The following TRIM28 variants were observed in gnomAD, a reference collection of about 807,000 sequenced individuals.
TRIM28 encodes tripartite motif containing 28.
Under a neutral mutation model 87.4 loss-of-function variants are expected in TRIM28, and 8 were observed. The ratio of observed to expected loss-of-function variants is 0.09; its 90% CI spans 0.05 to 0.17. The LOEUF is 0.17. TRIM28 is among the 10% of genes least tolerant of loss of function. TRIM28 has a pLI of 1.00. For synonymous variants in TRIM28, 601 were observed against 454.3 expected (o/e 1.32, Z -4.11); for missense variants, 968 against 1,131.8 (o/e 0.86, Z 2.08).
intron 15 of TRIM28, 32 bp downstream of exon 15, chr19:58,550,067 T>C (rs546950483): frequency 1.2e-6 from 2 of 1,613,048 alleles, no homozygotes; most frequent in South Asian, 2.2e-5. Context: ...GGGAAGGGGG[T>C]GGTGGCTGCT....
rs1354549499 is a variant in TRIM28 at position 58,544,598 on chromosome 19, C to T, written c.-160C>T. 2.3e-5 allele frequency: 4 copies of T among 173,570 alleles called. No individual in the cohort carries two copies. Among genetic ancestry groups the T allele is most frequent in the South Asian group, 1.6e-4 (1 of 6,076 alleles). The allele number at this position is 173,570 out of a possible 1,614,324, so 10.8% of individuals were successfully genotyped here. On this transcript the variant is annotated 5_prime_UTR_variant, in exon 1 of 17. Coordinates refer to ENST00000253024, the MANE Select transcript of TRIM28 (RefSeq NM_005762.3). ...GCAGTTGGCCGTGCCGTAGCAGCGTCCCGCGCGCGGCGGGCAGCGGCCCAG... is the reference window on the plus strand; with the variant it reads ...GCAGTTGGCCGTGCCGTAGCAGCGTTCCGCGCGCGGCGGGCAGCGGCCCAG...
At chr19:58,545,176 C>T in intron 1 of TRIM28, 79 bp downstream of exon 1, 6 of 1,292,108 alleles carry the variant, frequency 4.6e-6, no homozygotes, top group South Asian at 1.6e-5. Context: ...ATGAGGATGC[C>T]ACCTGGGCGA....
Position 58,547,652 on chromosome 19 carries a change from G to T in TRIM28, c.778G>T (p.Val260Leu), listed in dbSNP as rs1206895606. The T allele has an allele frequency of 6.2e-7, 1 of 1,614,160 alleles. No individual in the cohort carries two copies. Among genetic ancestry groups the T allele is most frequent in the Admixed American group, 1.7e-5 (1 of 60,028 alleles). ...RNQRKLLASL[V>L]KRLGDKHATL... ...CCAGCGCAAGCTCCTGGCCTCACTG[G>T]TGAAGCGCCTTGGGGACAAACATGC... The change falls in exon 5 of 17, where the codon GTG (valine) becomes TTG (leucine). Residue 260 changes from valine to leucine, a missense_variant. Physicochemically the swap from Val to Leu is conservative, Grantham distance 32 (BLOSUM62 1). This residue lies in a region of TRIM28 where 103 missense variants were observed against 139.0 expected (regional missense o/e 0.74). Coordinates refer to ENST00000253024, the MANE Select transcript of TRIM28 (RefSeq NM_005762.3).
intron 3 of TRIM28, among the ~76,000 whole-genome samples, chr19:58,546,681 C>T (rs1332746109): frequency 1.3e-5 from 2 of 152,098 alleles, no homozygotes; most frequent in African/African-American, 2.4e-5. Context: ...CCCAATGAGC[C>T]CTGATGCTAC....
rs1246916993 is a variant in TRIM28 at position 58,544,448 on chromosome 19, C to CT, written c.-310_-309insT. The CT allele has an allele frequency of 6.6e-6, 1 of 152,310 alleles. No individual in the cohort carries two copies. Among genetic ancestry groups the CT allele is most frequent in the Non-Finnish European group, 1.5e-5 (1 of 68,144 alleles). The allele number at this position is 152,310 out of a possible 1,614,324, so 9.4% of individuals were successfully genotyped here. On this transcript the variant is annotated 5_prime_UTR_variant, in exon 1 of 17. An upstream open reading frame in the 5' UTR loses its in-frame stop. Coordinates refer to ENST00000253024, the MANE Select transcript of TRIM28 (RefSeq NM_005762.3). ...CAGTTATTTCTGTCCCGCCCCCCGGCCTCGGCTCTTTCTGCGAGCGGGCGC... is the reference window on the plus strand; with the variant it reads ...CAGTTATTTCTGTCCCGCCCCCCGGCTCTCGGCTCTTTCTGCGAGCGGGCGC...
Position 58,550,550 on chromosome 19 carries a change from C to G in TRIM28, c.2505C>G (p.Pro835=). 2 of 1,605,804 alleles carry G rather than the reference C, an allele frequency of 1.2e-6. No homozygotes were observed. The highest frequency in any genetic ancestry group is 1.3e-5 in the African/African-American group (1 of 74,882). ...TGTCTGGTGGCCCTGGTGATGGCCC[C>G]TGAGGCTGGAGCCCCCATGGCCAGC... The part of the protein sequence containing the change: ...QELSGGPGDG[P] The change falls in exon 17 of 17, where the codon CCC becomes CCG. Residue 835 remains proline (P), a synonymous_variant. Coordinates refer to ENST00000253024, the MANE Select transcript of TRIM28 (RefSeq NM_005762.3).
chr19:58,545,579 G>A (rs750435517), intron 2 of TRIM28, 42 bp downstream of exon 2: 9 of 1,544,786 alleles, frequency 5.8e-6, no homozygotes, highest in Non-Finnish European at 8.0e-6. Flanking sequence ...TTCTGGGGAG[G>A]GGGCATCTGC....
intron 3 of TRIM28, among the ~76,000 whole-genome samples, chr19:58,546,851 C>T (rs1292217142): frequency 6.6e-6 from 1 of 152,116 alleles, no homozygotes; most frequent in African/African-American, 2.4e-5. Flanking sequence ...TCTGAGGGTC[C>T]TGGTTTGACA....
intron 3 of TRIM28, among the ~76,000 whole-genome samples, chr19:58,546,286 G>A (rs1412810755): frequency 1.3e-5 from 2 of 152,034 alleles, no homozygotes; most frequent in Non-Finnish European, 2.9e-5. Context: ...GCTAGGGAAA[G>A]TAGACTGTGG....
At position 58,547,226 on chromosome 19, in the gene TRIM28, CTG is replaced by C. The variant is rs1304142373; in HGVS notation, c.587-146_587-145del. ...GGAGCAAGGAGTTGGGCTTGCAGGC[CTG>C]TGTTCTTCCCTGGCCACACCCTCTA... On this transcript the variant is annotated intron_variant, in intron 3 of 16. Coordinates refer to ENST00000253024, the MANE Select transcript of TRIM28 (RefSeq NM_005762.3). 3.1e-6 allele frequency: 3 copies of C among 955,026 alleles called. No individual in the cohort carries two copies. In the African/African-American group the frequency reaches 4.9e-5, roughly 16 times the overall value. 59.2% of individuals were successfully genotyped at this position (955,026 alleles called of 1,614,324 possible). A position where few individuals can be genotyped will look rare whatever the true frequency, so the allele number is the denominator to read the frequency against.
At chr19:58,548,226 T>C (rs750581700) in intron 7 of TRIM28, 46 bp downstream of exon 7, 16 of 1,613,278 alleles carry the variant, frequency 9.9e-6, no homozygotes, top group Non-Finnish European at 1.4e-5. Flanking sequence ...GGCAGGTGGT[T>C]CCCAATACCT....
At position 58,547,946 on chromosome 19, in the gene TRIM28, C is replaced by T. The variant is rs1234550549; in HGVS notation, c.954+40C>T. On this transcript the variant is annotated intron_variant, in intron 6 of 16. Transcript: ENST00000253024. ...GGTGAGAAGGGTCCCTGAGCCCCCTCTGCTGATTGATGATGCTGTCTGGGG... is the reference window on the plus strand; with the variant it reads ...GGTGAGAAGGGTCCCTGAGCCCCCTTTGCTGATTGATGATGCTGTCTGGGG... 6.8e-6 allele frequency: 11 copies of T among 1,613,728 alleles called. No individual in the cohort carries two copies. In the East Asian group the frequency reaches 1.8e-4, roughly 26 times the overall value.
chr19:58,544,823 G>A lies in TRIM28; in HGVS notation c.66G>A (p.Pro22=). 8.0e-7 allele frequency: 1 copy of A among 1,257,516 alleles called. No homozygotes were observed. The highest frequency in any genetic ancestry group is 1.0e-6 in the Non-Finnish European group (1 of 1,000,966). The allele number at this position is 1,257,516 out of a possible 1,614,324, so 77.9% of individuals were successfully genotyped here. Residue 22 remains proline, a synonymous_variant, in exon 1 of 17, where the codon CCG becomes CCA. Coordinates refer to ENST00000253024, the MANE Select transcript of TRIM28 (RefSeq NM_005762.3). ...AASAASGSPG[P]GEGSAGGEKR... is the part of the protein sequence containing the mutation. ...CGGCCGCCTCTGGCAGCCCGGGCCC[G>A]GGCGAGGGCTCCGCTGGCGGCGAAA...
Position 58,548,073 on chromosome 19 carries a change from C to T in TRIM28, c.994C>T (p.His332Tyr). The part of the protein sequence containing the change: ...EGQQERLERQ[H>Y]WTMTKIQKHQ... The stretch of plus-strand genomic sequence containing the variant: ...GCAGCAGGAGCGCCTGGAGCGGCAG[C>T]ACTGGACCATGACCAAGATCCAGAA... The change falls in exon 7 of 17, where the codon CAC (histidine) becomes TAC (tyrosine). Residue 332 changes from histidine to tyrosine, a missense_variant. Transcript: ENST00000253024. 1 of 1,614,178 alleles carries T rather than the reference C, an allele frequency of 6.2e-7. No homozygotes were observed. The highest frequency in any genetic ancestry group is 1.1e-5 in the South Asian group (1 of 91,090).
chr19:58,549,102 C>G lies in TRIM28; in HGVS notation c.1524C>G (p.Val508=). The change falls in exon 12 of 17, where the codon GTC becomes GTG. Residue 508 remains valine, a synonymous_variant. Coordinates refer to ENST00000253024, the MANE Select transcript of TRIM28 (RefSeq NM_005762.3). The surrounding 1 kb of genome is among the most constrained non-coding windows in gnomAD (Gnocchi z 4.4). Reference sequence around the variant, plus strand: ...ACAGCCAGCCACCCGTCTTCAAGGTCTTCCCAGGCAGTACCACTGAGGACT... The same window carrying G: ...ACAGCCAGCCACCCGTCTTCAAGGTGTTCCCAGGCAGTACCACTGAGGACT... ...TADSQPPVFK[V]FPGSTTEDYN... 6 of 1,614,158 alleles carry G rather than the reference C, an allele frequency of 3.7e-6. No homozygotes were observed. Among genetic ancestry groups the G allele is most frequent in the Non-Finnish European group, 5.1e-6 (6 of 1,180,016 alleles).
rs1252667148 is a variant in TRIM28, at chr19:58,548,016, T to TA, written c.955-17dup. On this transcript the variant is annotated splice_polypyrimidine_tract_variant and intron_variant, in intron 6 of 16. Transcript: ENST00000253024. ...TCTTCTGCCTTCTCTGCTTACCTCATACACCTTCTATCTGCAGAAGGTGAC... is the reference window on the plus strand; with the variant it reads ...TCTTCTGCCTTCTCTGCTTACCTCATAACACCTTCTATCTGCAGAAGGTGAC... 1.1e-5 allele frequency: 17 copies of TA among 1,613,944 alleles called. 1 individual carries two copies. Among genetic ancestry groups the TA allele is most frequent in the Admixed American group, 1.0e-4 (6 of 59,990 alleles).
intron 3 of TRIM28, chr19:58,547,078 G>GGGGT (rs2053767497): frequency 2.9e-6 from 1 of 342,510 alleles, no homozygotes. Context: ...AGCGGGGGTG[G>GGGGT]GGGGTGGGGT....
Position 58,548,608 on chromosome 19 carries a change from G to A in TRIM28, c.1323+16G>A, listed in dbSNP as rs376989860. ...CAGCAGCCAGGTGAGCAGGAGAGAG[G>A]ACCCAGGAAGGGGTGGGCAGGGAAT... On this transcript the variant is annotated intron_variant, in intron 9 of 16. Coordinates refer to ENST00000253024, the MANE Select transcript of TRIM28 (RefSeq NM_005762.3). 1 of 1,431,548 alleles carries A rather than the reference G, an allele frequency of 7.0e-7. No homozygotes were observed. Among genetic ancestry groups the A allele is most frequent in the Admixed American group, 1.8e-5 (1 of 54,054 alleles). 88.7% of individuals were successfully genotyped at this position (1,431,548 alleles called of 1,614,324 possible). A position where few individuals can be genotyped will look rare whatever the true frequency, so the allele number is the denominator to read the frequency against.
At chr19:58,545,963 G>A in intron 3 of TRIM28, 67 bp downstream of exon 3, 2 of 1,534,896 alleles carry the variant, frequency 1.3e-6, no homozygotes, top group Non-Finnish European at 1.8e-6. Context: ...CTTTTATGAT[G>A]TTGGTTGCAT....
Sources: gnomAD v4.1 joint callset for allele counts (sites outside exome capture counted in the v4.1 genomes callset) on GRCh38, gnomAD v4.1.1 for gene constraint, gnomAD v4.1.1 regional missense constraint, Gnocchi (gnomAD v3.1) non-coding constraint, MANE v1.5 for transcripts, NCBI Gene and HGNC (gene_info 2026-07-23, HGNC 2026-07-21) for gene names.